The following MECOM variants were observed in gnomAD, a reference collection of about 807,000 sequenced individuals.
The protein encoded by MECOM is MDS1 and EVI1 complex locus.
A neutral mutation model predicts 116.3 loss-of-function variants in MECOM; 13 were observed. The observed-to-expected ratio is 0.11, with a 90% CI of 0.07 to 0.18. MECOM has a LOEUF of 0.18. Ranked by LOEUF, MECOM falls within the 10% of genes least tolerant of loss-of-function variation. The pLI, the probability that MECOM is intolerant of heterozygous loss-of-function variation, is 1.00. For missense variants in MECOM, 1,299 were observed against 1,509.0 expected (o/e 0.86, Z 2.31); for synonymous variants, 528 against 535.2 (o/e 0.99, Z 0.19).
At chr3:169,642,799 CA>C (rs34198855) in intron 1 of MECOM, among the ~76,000 whole-genome samples, 60,111 of 146,794 alleles carry the variant, frequency 0.41, 12,137 homozygotes, top group East Asian at 0.45. Context: ...GCCAACCTAT[CA>C]AAAAAAAAAA....
chr3:169,191,602 C>T (rs1004112473), intron 2 of MECOM, among the ~76,000 whole-genome samples: 14 of 125,358 alleles, frequency 1.1e-4, no homozygotes, highest in Admixed American at 8.0e-4. Flanking sequence ...AAAGAAAGAA[C>T]GAAGGAAGGA....
At chr3:169,182,732 T>C (rs988526756) in intron 2 of MECOM, among the ~76,000 whole-genome samples, 36 of 152,204 alleles carry the variant, frequency 2.4e-4, no homozygotes, top group Admixed American at 2.6e-4. Context: ...AAAGTTTTCA[T>C]CCTTAATGGC....
At chr3:169,542,405 A>C (rs1042274604) in intron 1 of MECOM, among the ~76,000 whole-genome samples, 6 of 152,094 alleles carry the variant, frequency 3.9e-5, no homozygotes, top group Non-Finnish European at 1.5e-5. Flanking sequence ...ATGGCAGAAT[A>C]ATCACTGTAA....
intron 1 of MECOM, among the ~76,000 whole-genome samples, chr3:169,594,289 T>A (rs1419131601): frequency 6.6e-6 from 1 of 152,104 alleles, no homozygotes; most frequent in African/African-American, 2.4e-5. Context: ...TGTGGCATTG[T>A]GAAAATGACC....
chr3:169,576,311 G>A (rs1402185109), intron 1 of MECOM, among the ~76,000 whole-genome samples: 2 of 151,994 alleles, frequency 1.3e-5, no homozygotes, highest in African/African-American at 4.8e-5. Context: ...TAGACATAGG[G>A]GGCCATAAAA....
At chr3:169,288,415 CA>C (rs1164645280) in intron 2 of MECOM, among the ~76,000 whole-genome samples, 7 of 151,940 alleles carry the variant, frequency 4.6e-5, no homozygotes, top group Non-Finnish European at 8.8e-5. Flanking sequence ...TTTCATTTCA[CA>C]ATATAAGAAA....
At chr3:169,632,334 C>T (rs1274605143) in intron 1 of MECOM, among the ~76,000 whole-genome samples, 1 of 151,918 alleles carries the variant, frequency 6.6e-6, no homozygotes, top group South Asian at 2.1e-4. Context: ...TTCCTTCATG[C>T]AAAATATTCC....
At chr3:169,534,748 A>G (rs557783913) in intron 1 of MECOM, among the ~76,000 whole-genome samples, 3 of 152,156 alleles carry the variant, frequency 2.0e-5, no homozygotes, top group African/African-American at 7.2e-5. Flanking sequence ...GCAAGGTGCT[A>G]TTCTCCCCAT....
intron 2 of MECOM, among the ~76,000 whole-genome samples, chr3:169,178,439 G>A (rs917327568): frequency 1.3e-5 from 2 of 152,154 alleles, no homozygotes; most frequent in Admixed American, 1.3e-4. Context: ...CATCAAGAAG[G>A]ACATTAGTTT....
rs150783085 is a variant in MECOM at position 169,184,538 on chromosome 3, A to G, written c.376-40706T>C. ...AATACATTTTTTTTCCTCAAGCAAA[A>G]TCTTAAGCAAACCCAGAAATATTGA... On this transcript the variant is annotated intron_variant, in intron 2 of 16. Transcript: ENST00000651503. 5.9e-5 allele frequency among the ~76,000 whole-genome samples: 9 copies of G among 152,296 alleles called. No homozygotes were observed. The East Asian group carries it at 1.7e-3, about 29-fold the overall frequency.
chr3:169,112,242 G>A (rs921459350), intron 9 of MECOM, among the ~76,000 whole-genome samples: 2 of 152,102 alleles, frequency 1.3e-5, no homozygotes, highest in East Asian at 1.9e-4. Context: ...TTTGATAAAT[G>A]AACACAATTC....
At chr3:169,187,283 A>C (rs1209471328) in intron 2 of MECOM, among the ~76,000 whole-genome samples, 1 of 152,106 alleles carries the variant, frequency 6.6e-6, no homozygotes, top group Non-Finnish European at 1.5e-5. Context: ...TTTCAATTTA[A>C]CCAAACGCTA....
chr3:169,341,620 G>T (rs1724545105), intron 2 of MECOM, among the ~76,000 whole-genome samples: 2 of 151,400 alleles, frequency 1.3e-5, no homozygotes. Flanking sequence ...CATGCCTGTA[G>T]TCCCAGCTAC....
chr3:169,338,551 A>T (rs552733475), intron 2 of MECOM, among the ~76,000 whole-genome samples: 1 of 151,952 alleles, frequency 6.6e-6, no homozygotes, highest in South Asian at 2.1e-4. Flanking sequence ...TTCTATAGAT[A>T]ACACTTTTTT....
intron 1 of MECOM, among the ~76,000 whole-genome samples, chr3:169,550,299 C>G (rs1354752804): frequency 1.3e-5 from 2 of 152,326 alleles, no homozygotes; most frequent in East Asian, 3.9e-4. Flanking sequence ...TCCACCTGGA[C>G]AGGCTCCTGA....
At chr3:169,360,158 T>G (rs918465986) in intron 2 of MECOM, among the ~76,000 whole-genome samples, 6 of 151,512 alleles carry the variant, frequency 4.0e-5, no homozygotes, top group Non-Finnish European at 7.4e-5. Flanking sequence ...TCTAATATCC[T>G]GTGAGTTGGG....
At chr3:169,417,475 T>A (rs1378959532) in intron 1 of MECOM, among the ~76,000 whole-genome samples, 1 of 152,142 alleles carries the variant, frequency 6.6e-6, no homozygotes, top group Non-Finnish European at 1.5e-5. Flanking sequence ...CTGGAGTGGA[T>A]GTGGAGAAAT....
At chr3:169,415,343 T>C (rs763366918) in intron 1 of MECOM, among the ~76,000 whole-genome samples, 3 of 152,198 alleles carry the variant, frequency 2.0e-5, no homozygotes, top group Non-Finnish European at 2.9e-5. Flanking sequence ...TGAGGGATTT[T>C]GTCACCACCA....
intron 2 of MECOM, among the ~76,000 whole-genome samples, chr3:169,186,619 T>C (rs1746808315): frequency 6.6e-6 from 1 of 152,162 alleles, no homozygotes; most frequent in Non-Finnish European, 1.5e-5. Flanking sequence ...ACTGCATAAC[T>C]ATATTCTGTG....
Sources: gnomAD v4.1 joint callset for allele counts (sites outside exome capture counted in the v4.1 genomes callset) on GRCh38, gnomAD v4.1.1 for gene constraint, MANE v1.5 for transcripts, NCBI Gene and HGNC (gene_info 2026-07-23, HGNC 2026-07-21) for gene names.